The following STIM1 variants were observed in gnomAD, a reference collection of about 807,000 sequenced individuals.
The protein encoded by STIM1 is stromal interaction molecule 1.
Under a neutral mutation model 74.7 loss-of-function variants are expected in STIM1, and 25 were observed. That is an observed-to-expected ratio of 0.33 (90% CI 0.24 to 0.47). The LOEUF is 0.47. Ranked by LOEUF, STIM1 falls within the 20% of genes least tolerant of loss-of-function variation. STIM1 has a pLI of 1.00. For missense variants in STIM1, 728 were observed against 920.8 expected (o/e 0.79, Z 2.71); for synonymous variants, 328 against 348.8 (o/e 0.94, Z 0.66).
Position 4,059,369 on chromosome 11 carries a change from G to C in STIM1, c.586G>C (p.Asp196His). 6.2e-7 allele frequency: 1 copy of C among 1,614,092 alleles called. No individual in the cohort carries two copies. The highest frequency in any genetic ancestry group is 1.1e-5 in the South Asian group (1 of 91,068). The change falls in exon 5 of 13, where the codon GAT (aspartate) becomes CAT (histidine). Residue 196 changes from aspartate (D) to histidine (H), a missense_variant. Physicochemically the swap from Asp to His is moderately conservative, Grantham distance 81 (BLOSUM62 -1). Coordinates refer to ENST00000526596, the MANE Select transcript of STIM1 (RefSeq NM_001382567.1). ...GCAGAAGCTGCAGCTGAAGGCTCTG[G>C]ATACAGTGCTCTTTGGGCCTCCTCT... ...HRQKLQLKAL[D>H]TVLFGPPLLT...
At chr11:3,869,815 A>G (rs2091011382) in intron 1 of STIM1, among the ~76,000 whole-genome samples, 1 of 152,208 alleles carries the variant, frequency 6.6e-6, no homozygotes, top group South Asian at 2.1e-4. Context: ...CAATGAGCCT[A>G]GATAGGAGAC....
chr11:4,013,461 T>C (rs1342570383), intron 2 of STIM1, among the ~76,000 whole-genome samples: 1 of 152,084 alleles, frequency 6.6e-6, no homozygotes, highest in Non-Finnish European at 1.5e-5. Context: ...GGAGGGTGTA[T>C]GTGTCGAGGA....
chr11:4,036,477 G>A (rs1185734897), intron 3 of STIM1, among the ~76,000 whole-genome samples: 1 of 152,176 alleles, frequency 6.6e-6, no homozygotes, highest in African/African-American at 2.4e-5. Flanking sequence ...CACCAACAGT[G>A]TAAAAGTGTT....
At chr11:3,968,059 T>A (rs1236397490) in intron 2 of STIM1, among the ~76,000 whole-genome samples, 11 of 152,188 alleles carry the variant, frequency 7.2e-5, no homozygotes, top group Non-Finnish European at 1.5e-5. Flanking sequence ...TGTGTTGGCA[T>A]GAGGGATAGA....
At chr11:3,887,774 C>T (rs987363991) in intron 1 of STIM1, among the ~76,000 whole-genome samples, 1 of 152,012 alleles carries the variant, frequency 6.6e-6, no homozygotes, top group African/African-American at 2.4e-5. Context: ...TGAGACCATC[C>T]TGGCTAACAT....
chr11:3,899,463 C>G lies in STIM1; in HGVS notation c.139+43054C>G, dbSNP rs1291981713. On this transcript the variant is annotated intron_variant, in intron 1 of 12. Coordinates refer to ENST00000526596, the MANE Select transcript of STIM1 (RefSeq NM_001382567.1). ...GATATACAATCATGTCATCTGCAAA[C>G]AGGGACAATTTGACTTCCTCTTTTC... 9.9e-5 allele frequency among the ~76,000 whole-genome samples: 15 copies of G among 152,206 alleles called. No individual in the cohort carries two copies. The East Asian group carries it at 2.3e-3, about 23-fold the overall frequency.
chr11:3,866,397 C>A (rs1465659921), intron 1 of STIM1, among the ~76,000 whole-genome samples: 1 of 151,738 alleles, frequency 6.6e-6, no homozygotes, highest in Non-Finnish European at 1.5e-5. Flanking sequence ...ACTTCACACC[C>A]TGCTTACGCC....
intron 3 of STIM1, chr11:4,049,544 A>T (rs2094221687): frequency 6.6e-6 from 1 of 150,998 alleles, no homozygotes; most frequent in Non-Finnish European, 1.5e-5. Flanking sequence ...GCCCTGACTG[A>T]TCTCAAACCC....
intron 1 of STIM1, among the ~76,000 whole-genome samples, chr11:3,934,848 C>CA: frequency 6.6e-6 from 1 of 152,232 alleles, no homozygotes; most frequent in Non-Finnish European, 1.5e-5. Flanking sequence ...CCCTTCACCT[C>CA]ACAGTGCTCT....
intron 1 of STIM1, among the ~76,000 whole-genome samples, chr11:3,955,010 T>C (rs1309672291): frequency 1.3e-5 from 2 of 152,210 alleles, no homozygotes; most frequent in African/African-American, 4.8e-5. Flanking sequence ...AAACAAGTGG[T>C]GGTATAGCCA....
chr11:3,994,667 C>A (rs973686994), intron 2 of STIM1, among the ~76,000 whole-genome samples: 3 of 152,004 alleles, frequency 2.0e-5, no homozygotes, highest in Admixed American at 2.0e-4. Flanking sequence ...GCCATGTTGT[C>A]CAGGCTGGTC....
At chr11:3,939,292 ATTC>A (rs2092975864) in intron 1 of STIM1, among the ~76,000 whole-genome samples, 1 of 152,158 alleles carries the variant, frequency 6.6e-6, no homozygotes, top group Non-Finnish European at 1.5e-5. Flanking sequence ...AGATTCTGTG[ATTC>A]TTCTAGGCTT....
At chr11:4,038,066 G>A (rs1480245388) in intron 3 of STIM1, among the ~76,000 whole-genome samples, 2 of 145,636 alleles carry the variant, frequency 1.4e-5, no homozygotes, top group Non-Finnish European at 3.0e-5. Context: ...ACAGAGTCTT[G>A]CTTTGTAACC....
chr11:3,973,109 T>C, intron 2 of STIM1: 1 of 421,922 alleles, frequency 2.4e-6, no homozygotes. Context: ...AGCCTCTGCT[T>C]CCTTCAGCGT....
At chr11:3,869,094 G>A (rs1230466140) in intron 1 of STIM1, among the ~76,000 whole-genome samples, 8 of 151,810 alleles carry the variant, frequency 5.3e-5, no homozygotes, top group Non-Finnish European at 4.4e-5. Context: ...TCAGCCTCCC[G>A]AGTAGCGGGG....
chr11:3,985,498 G>A (rs933656937), intron 2 of STIM1, among the ~76,000 whole-genome samples: 1 of 152,188 alleles, frequency 6.6e-6, no homozygotes, highest in African/African-American at 2.4e-5. Flanking sequence ...ATGAGGTTGA[G>A]GATCAAGGAG....
In STIM1 at chr11:3,971,406, G is replaced by A. The variant is rs545733097; in HGVS notation, c.270+3724G>A. Among the ~76,000 whole-genome samples, 190 of 152,258 alleles carry A rather than the reference G, an allele frequency of 1.2e-3. 1 individual carries two copies. Among genetic ancestry groups the A allele is most frequent in the Middle Eastern group, 6.8e-3 (2 of 294 alleles). On this transcript the variant is annotated intron_variant, in intron 2 of 12. Transcript: ENST00000526596. ...TCTCCGGGCGTGGTGGCGGGCGCCT[G>A]TAGTCCTAGCTACTCTGGAGGCTGA...
chr11:3,857,943 A>G (rs1397823940), intron 1 of STIM1, among the ~76,000 whole-genome samples: 6 of 152,182 alleles, frequency 3.9e-5, no homozygotes, highest in African/African-American at 1.2e-4. Flanking sequence ...CTGTCTCTCC[A>G]TAGAGAGTCT....
At chr11:4,002,403 C>A (rs1400086070) in intron 2 of STIM1, among the ~76,000 whole-genome samples, 1 of 151,364 alleles carries the variant, frequency 6.6e-6, no homozygotes, top group Non-Finnish European at 1.5e-5. Context: ...GACCACAGTG[C>A]AATCAAACTA....
Sources: allele counts gnomAD v4.1 joint callset (sites outside exome capture counted in the v4.1 genomes callset), GRCh38; gene constraint gnomAD v4.1.1; transcripts MANE v1.5; gene names NCBI Gene and HGNC (gene_info 2026-07-23, HGNC 2026-07-21).